The following PLCG2 variants were observed in gnomAD, a reference collection of about 807,000 sequenced individuals.
The protein encoded by PLCG2 is 1-phosphatidylinositol 4,5-bisphosphate phosphodiesterase gamma-2.
PLCG2 carries 69 observed loss-of-function variants against 175.6 expected under a neutral mutation model. That is an observed-to-expected ratio of 0.39 (90% confidence interval 0.32 to 0.48). PLCG2 has a LOEUF of 0.48. PLCG2 is among the 20% of genes least tolerant of loss of function. PLCG2 has a pLI of 0.91. For missense variants in PLCG2, 1,798 were observed against 1,650.9 expected, an observed-to-expected ratio of 1.09 and a Z score of -1.54; for synonymous variants, 827 against 624.0, an observed-to-expected ratio of 1.33 and a Z score of -4.85.
intron 26 of PLCG2, among the ~76,000 whole-genome samples, chr16:81,935,325 C>G (rs191644710): frequency 6.6e-6 from 1 of 152,068 alleles, no homozygotes; most frequent in Non-Finnish European, 1.5e-5. Flanking sequence ...ATAAGCCTCC[C>G]ATTTCAAGCT....
intron 25 of PLCG2, among the ~76,000 whole-genome samples, chr16:81,933,185 C>T (rs996900107): frequency 4.6e-5 from 7 of 152,146 alleles, no homozygotes; most frequent in Non-Finnish European, 1.0e-4. Flanking sequence ...TTTATATTTA[C>T]TGAGATTTCA....
intron 2 of PLCG2, among the ~76,000 whole-genome samples, chr16:81,800,355 C>T (rs1267945401): frequency 3.3e-5 from 5 of 152,166 alleles, no homozygotes; most frequent in Admixed American, 1.3e-4. Context: ...TTCTGATGCT[C>T]TCCTCCATCC....
intron 2 of PLCG2, among the ~76,000 whole-genome samples, chr16:81,821,247 A>T (rs76003323): frequency 4.6e-5 from 7 of 152,342 alleles, no homozygotes; most frequent in African/African-American, 1.7e-4. Flanking sequence ...TTAACATGTG[A>T]GTGATTAGAA....
intron 2 of PLCG2, among the ~76,000 whole-genome samples, chr16:81,756,188 G>A (rs886083849): frequency 3.9e-5 from 6 of 152,234 alleles, no homozygotes; most frequent in Non-Finnish European, 5.9e-5. Flanking sequence ...CCCAGGAACC[G>A]TCGGGGAGGC....
chr16:81,914,372 G>A (rs1388201654), intron 19 of PLCG2, among the ~76,000 whole-genome samples: 2 of 152,196 alleles, frequency 1.3e-5, no homozygotes, highest in African/African-American at 4.8e-5. Context: ...GTGTCCGGCA[G>A]AAAGGATGGC....
At chr16:81,756,411 C>T (rs560167234) in intron 2 of PLCG2, among the ~76,000 whole-genome samples, 13 of 152,316 alleles carry the variant, frequency 8.5e-5, no homozygotes, top group African/African-American at 2.6e-4. Context: ...CTATCTTATA[C>T]GGCAGCTATT....
chr16:81,947,964 C>T (rs553356083), intron 31 of PLCG2, among the ~76,000 whole-genome samples: 1 of 152,260 alleles, frequency 6.6e-6, no homozygotes, highest in African/African-American at 2.4e-5. Flanking sequence ...GTGCCCTTTT[C>T]TACTTCACAG....
intron 4 of PLCG2, 51 bp from the exon 5 acceptor site, chr16:81,859,065 A>G (rs1260093169): frequency 2.6e-6 from 3 of 1,143,062 alleles, no homozygotes; most frequent in African/African-American, 3.0e-5. Flanking sequence ...GACTTGTGCT[A>G]TTTTCTAATT....
At chr16:81,921,834 CTTGTGGGCTCTGT>C (rs1910075096) in intron 21 of PLCG2, among the ~76,000 whole-genome samples, 1 of 152,214 alleles carries the variant, frequency 6.6e-6, no homozygotes. Flanking sequence ...AGGGGCCCTG[CTTGTGGGCTCTGT>C]TGAAATCCAG....
chr16:81,926,157 T>C (rs984894181), intron 22 of PLCG2, among the ~76,000 whole-genome samples: 2 of 152,144 alleles, frequency 1.3e-5, no homozygotes, highest in Non-Finnish European at 2.9e-5. Flanking sequence ...AGGGGCATGA[T>C]AGGGACGACG....
chr16:81,831,471 C>G (rs1905255780), intron 2 of PLCG2, among the ~76,000 whole-genome samples: 1 of 152,230 alleles, frequency 6.6e-6, no homozygotes, highest in African/African-American at 2.4e-5. Context: ...ATCCTCATGT[C>G]AATGCCACGA....
chr16:81,772,888 G>A (rs1567455614), intron 2 of PLCG2, among the ~76,000 whole-genome samples: 1 of 152,122 alleles, frequency 6.6e-6, no homozygotes, highest in Admixed American at 6.5e-5. Flanking sequence ...GGAGACCTTC[G>A]GATGCCTTCT....
intron 5 of PLCG2, among the ~76,000 whole-genome samples, chr16:81,861,916 A>C (rs1331821934): frequency 6.6e-6 from 1 of 152,146 alleles, no homozygotes; most frequent in Non-Finnish European, 1.5e-5. Flanking sequence ...CTCTGCAGAG[A>C]GAAACTTTTC....
chr16:81,849,962 T>C (rs1906324267), intron 2 of PLCG2, among the ~76,000 whole-genome samples: 1 of 152,220 alleles, frequency 6.6e-6, no homozygotes, highest in Admixed American at 6.5e-5. Flanking sequence ...TTTCAAGTTT[T>C]TAGATAATTG....
chr16:81,871,550 C>A (rs1209007426), intron 7 of PLCG2, among the ~76,000 whole-genome samples: 2 of 152,092 alleles, frequency 1.3e-5, no homozygotes, highest in Admixed American at 1.3e-4. Flanking sequence ...ATTGGGTGGG[C>A]AGGTCTCGAA....
In PLCG2 at chr16:81,766,219, A is replaced by C. The variant is rs75869917; in HGVS notation, c.-48+10253A>C. ...ACAGGGACTCAGGCCTTTCTCTCCA[A>C]GTGGGGCCATAAACTGTTATTCACC... On this transcript the variant is annotated intron_variant, in intron 2 of 5. Transcript: ENST00000565054. Among the ~76,000 whole-genome samples the C allele has an allele frequency of 6.3e-3, 962 of 152,196 alleles. 4 individuals are homozygous for C. The highest frequency in any genetic ancestry group is 0.018 in the South Asian group (86 of 4,824).
chr16:81,854,547 A>G lies in PLCG2; in HGVS notation c.297A>G (p.Leu99=), dbSNP rs1143686. 0.3 allele frequency: 482,112 copies of G among 1,612,678 alleles called. 74,765 individuals are homozygous for G. The highest frequency in any genetic ancestry group is 0.32 in the Non-Finnish European group (376,254 of 1,178,792). The part of the protein sequence containing the change: ...RQKEDCCFTI[L]YGTQFVLSTL... ...AAGAAGACTGCTGCTTCACCATCCT[A>G]TATGGCACTCAGTTCGTCCTCAGCA... Residue 99 remains leucine, a synonymous_variant, in exon 3 of 33, where the codon CTA becomes CTG. Transcript: ENST00000564138.
intron 31 of PLCG2, among the ~76,000 whole-genome samples, chr16:81,949,473 T>C (rs1022872891): frequency 2.6e-5 from 4 of 152,110 alleles, no homozygotes; most frequent in Non-Finnish European, 4.4e-5. Flanking sequence ...CCAAAGTGGG[T>C]AGAATGTGGA....
intron 2 of PLCG2, among the ~76,000 whole-genome samples, chr16:81,809,228 C>T (rs1904297678): frequency 6.6e-6 from 1 of 152,178 alleles, no homozygotes; most frequent in Non-Finnish European, 1.5e-5. Context: ...TTGCTGGAAA[C>T]ACCTGTGACT....
Sources: gnomAD v4.1 joint callset for allele counts (sites outside exome capture counted in the v4.1 genomes callset) on GRCh38, gnomAD v4.1.1 for gene constraint, MANE v1.5 for transcripts, NCBI Gene and HGNC (gene_info 2026-07-23, HGNC 2026-07-21) for gene names.